Variants in TET2 observed in about 807,000 individuals in gnomAD.
TET2 encodes methylcytosine dioxygenase TET2.
TET2 carries 299 observed loss-of-function variants against 142.9 expected under a neutral mutation model. That is an observed-to-expected ratio of 2.09 (90% CI 1.90 to 2.30). TET2 has a LOEUF of 2.30. Ranked by LOEUF, TET2 falls within the 30% of genes most tolerant of loss-of-function variation. The pLI, the probability that TET2 is intolerant of heterozygous loss-of-function variation, is 0.00. For missense variants in TET2, 2,418 were observed against 2,378.0 expected (o/e 1.02, Z -0.35); for synonymous variants, 819 against 849.0 (o/e 0.96, Z 0.61).
intron 8 of TET2, among the ~76,000 whole-genome samples, chr4:105,263,348 A>G (rs1002369404): frequency 3.9e-5 from 6 of 152,186 alleles, no homozygotes; most frequent in Non-Finnish European, 8.8e-5. Context: ...ACTTAAATCT[A>G]TGTAAGATTA....
At chr4:105,176,598 A>G (rs1578563654) in intron 1 of TET2, among the ~76,000 whole-genome samples, 1 of 152,216 alleles carries the variant, frequency 6.6e-6, no homozygotes, top group East Asian at 1.9e-4. Context: ...TACATGATCT[A>G]TATGAAGAAA....
At chr4:105,165,563 T>C (rs910215835) in intron 1 of TET2, among the ~76,000 whole-genome samples, 1 of 152,138 alleles carries the variant, frequency 6.6e-6, no homozygotes, top group Non-Finnish European at 1.5e-5. Context: ...TTCATTGAAA[T>C]TGAAGTTTCT....
chr4:105,269,585 A>C (rs1201077149), intron 8 of TET2, 25 bp from the exon 9 acceptor site: 1 of 1,550,222 alleles, frequency 6.5e-7, no homozygotes, highest in Non-Finnish European at 8.7e-7. Context: ...CTACTTTCGC[A>C]TTCACACACA....
intron 8 of TET2, among the ~76,000 whole-genome samples, chr4:105,267,438 G>C (rs747779902): frequency 1.3e-4 from 19 of 151,576 alleles, no homozygotes; most frequent in Non-Finnish European, 2.2e-4. Flanking sequence ...CTGAGGAATT[G>C]AAAGTATATT....
chr4:105,234,664 C>A lies in TET2; in HGVS notation c.722C>A (p.Ala241Glu). ...TATTATCCAGATTGTGTTTCCATTGCGGTGCAGAAAACCACATCTCACATA... is the reference window on the plus strand; with the variant it reads ...TATTATCCAGATTGTGTTTCCATTGAGGTGCAGAAAACCACATCTCACATA... ...SQYYPDCVSIAVQKTTSHINA... is the reference protein window; with the variant it reads ...SQYYPDCVSIEVQKTTSHINA... Residue 241 changes from alanine (A) to glutamate (E), a missense_variant, in exon 3 of 11, where the codon GCG (alanine) becomes GAG (glutamate). Ala to Glu is a moderately radical substitution (Grantham distance 107). Coordinates refer to ENST00000380013, the MANE Select transcript of TET2 (RefSeq NM_001127208.3). 6.2e-7 allele frequency: 1 copy of A among 1,614,038 alleles called. No homozygotes were observed. Among genetic ancestry groups the A allele is most frequent in the Non-Finnish European group, 8.5e-7 (1 of 1,180,002 alleles).
Position 105,272,920 on chromosome 4 carries a change from T to C in TET2, c.4537+2T>C. On this transcript the variant is annotated splice_donor_variant, in intron 10 of 10. Transcript: ENST00000380013. LOFTEE classifies it high-confidence loss of function. ...CAAGCCAGGCTAAACAGTTGGCAGG[T>C]AAATTTAATGTAAAGCATTTGTAGA... 1.3e-6 allele frequency: 2 copies of C among 1,518,144 alleles called. No individual in the cohort carries two copies. The highest frequency in any genetic ancestry group is 1.8e-6 in the Non-Finnish European group (2 of 1,132,946). 94.0% of individuals were successfully genotyped at this position (1,518,144 alleles called of 1,614,324 possible). A position where few individuals can be genotyped will look rare whatever the true frequency, so the allele number is the denominator to read the frequency against.
At chr4:105,168,051 C>T (rs1724255805) in intron 1 of TET2, among the ~76,000 whole-genome samples, 1 of 152,172 alleles carries the variant, frequency 6.6e-6, no homozygotes, top group South Asian at 2.1e-4. Context: ...ATTCAAACCA[C>T]CTTCATGTGT....
In TET2 at chr4:105,272,639, T is replaced by G; in HGVS notation, c.4258T>G (p.Leu1420Val). The change falls in exon 10 of 11, where the codon TTA becomes GTA. Residue 1420 changes from leucine (L) to valine (V), a missense_variant. Transcript: ENST00000380013. The stretch of plus-strand genomic sequence containing the variant: ...GGATGAGCAGCTTCACGTTCTGCCT[T>G]TATACAAAGTCTCTGACGTGGATGA... ...PEDEQLHVLP[L>V]YKVSDVDEFG... is the part of the protein sequence containing the mutation. 1 of 1,551,606 alleles carries G rather than the reference T, an allele frequency of 6.4e-7. No individual in the cohort carries two copies. Among genetic ancestry groups the G allele is most frequent in the Non-Finnish European group, 8.7e-7 (1 of 1,146,934 alleles).
chr4:105,195,700 A>G (rs1726046617), intron 2 of TET2, among the ~76,000 whole-genome samples: 1 of 152,216 alleles, frequency 6.6e-6, no homozygotes, highest in Non-Finnish European at 1.5e-5. Flanking sequence ...GTTCATTACA[A>G]ACACAGCAAT....
chr4:105,239,439 T>G lies in TET2; in HGVS notation c.3410-1900T>G, dbSNP rs1003197512. Reference sequence around the variant, plus strand: ...ATCTTCTGCATAACTTGCTGCAGCTTCTACATCAGCACTTGCTGCCTCACC... The same window carrying G: ...ATCTTCTGCATAACTTGCTGCAGCTGCTACATCAGCACTTGCTGCCTCACC... On this transcript the variant is annotated intron_variant, in intron 3 of 10. Coordinates refer to ENST00000380013, the MANE Select transcript of TET2 (RefSeq NM_001127208.3). 3 of 240,480 alleles carry G rather than the reference T, an allele frequency of 1.2e-5. No individual in the cohort carries two copies. In the Admixed American group the frequency reaches 1.7e-4, roughly 14 times the overall value. 14.9% of individuals were successfully genotyped at this position (240,480 alleles called of 1,614,324 possible).
At chr4:105,168,017 A>G (rs1724254266) in intron 1 of TET2, among the ~76,000 whole-genome samples, 1 of 152,200 alleles carries the variant, frequency 6.6e-6, no homozygotes, top group African/African-American at 2.4e-5. Flanking sequence ...ACTACTTCAC[A>G]CCATTTCACC....
chr4:105,204,763 G>T (rs1231351339), intron 2 of TET2, among the ~76,000 whole-genome samples: 1 of 151,954 alleles, frequency 6.6e-6, no homozygotes, highest in Non-Finnish European at 1.5e-5. Context: ...AAAATACATG[G>T]CATTTTACTA....
At chr4:105,262,805 TG>T (rs1265287359) in intron 8 of TET2, among the ~76,000 whole-genome samples, 2 of 150,976 alleles carry the variant, frequency 1.3e-5, no homozygotes, top group African/African-American at 4.9e-5. Context: ...AGCTTGAACC[TG>T]GGAGGTGGAG....
At position 105,234,052 on chromosome 4, in the gene TET2, G is replaced by A; in HGVS notation, c.110G>A (p.Gly37Glu). 1.9e-6 allele frequency: 3 copies of A among 1,614,072 alleles called. No individual in the cohort carries two copies. Among genetic ancestry groups the A allele is most frequent in the Non-Finnish European group, 2.5e-6 (3 of 1,180,020 alleles). ...TEPLATKLQN[G>E]SPLPERAHPE... ...CCTCTGGCTACAAAGCTCCAGAATG[G>A]AAGCCCACTGCCTGAGAGAGCTCAT... The change falls in exon 3 of 11, where the codon GGA becomes GAA. Residue 37 changes from glycine to glutamate, a missense_variant. Physicochemically the swap from Gly to Glu is moderately conservative, Grantham distance 98. Coordinates refer to ENST00000380013, the MANE Select transcript of TET2 (RefSeq NM_001127208.3).
Position 105,243,773 on chromosome 4 carries a change from T to A in TET2, c.3798T>A (p.Asn1266Lys), listed in dbSNP as rs374464277. ...TCACCAATCGCCGGTGTGCCTTGAATGAAGAGTAAGTGAAGCCCAGGGCCT... is the reference window on the plus strand; with the variant it reads ...TCACCAATCGCCGGTGTGCCTTGAAAGAAGAGTAAGTGAAGCCCAGGGCCT... ...GTLTNRRCALNEERTCACQGL... is the reference protein window; with the variant it reads ...GTLTNRRCALKEERTCACQGL... The change falls in exon 6 of 11, where the codon AAT becomes AAA. Residue 1266 changes from asparagine to lysine, a missense_variant. Coordinates refer to ENST00000380013, the MANE Select transcript of TET2 (RefSeq NM_001127208.3). The A allele has an allele frequency of 6.4e-7, 1 of 1,551,378 alleles. No homozygotes were observed. Among genetic ancestry groups the A allele is most frequent in the Non-Finnish European group, 8.7e-7 (1 of 1,146,808 alleles).
chr4:105,269,958 G>A (rs1228663942), intron 9 of TET2, among the ~76,000 whole-genome samples: 2 of 152,270 alleles, frequency 1.3e-5, no homozygotes, highest in South Asian at 2.1e-4. Flanking sequence ...ATGTGCAGGG[G>A]AACTCCCCTT....
At chr4:105,217,121 T>A (rs1727541372) in intron 2 of TET2, among the ~76,000 whole-genome samples, 1 of 151,960 alleles carries the variant, frequency 6.6e-6, no homozygotes, top group Admixed American at 6.6e-5. Context: ...AAAATAACAA[T>A]CAACCAAATT....
chr4:105,173,500 T>C (rs1298397477), intron 1 of TET2, among the ~76,000 whole-genome samples: 1 of 151,918 alleles, frequency 6.6e-6, no homozygotes, highest in Non-Finnish European at 1.5e-5. Context: ...ACCACTGCAC[T>C]CCAGCCTGGG....
At chr4:105,215,997 G>T (rs1054400819) in intron 2 of TET2, among the ~76,000 whole-genome samples, 5 of 152,106 alleles carry the variant, frequency 3.3e-5, no homozygotes. Context: ...TTTCTATTAA[G>T]AGATCAACCA....
Sources: gnomAD v4.1 joint callset for allele counts (sites outside exome capture counted in the v4.1 genomes callset) on GRCh38, gnomAD v4.1.1 for gene constraint, MANE v1.5 for transcripts, NCBI Gene and HGNC (gene_info 2026-07-23, HGNC 2026-07-21) for gene names.